NALCN: variants seen among roughly 807,000 people sequenced by gnomAD.
The protein encoded by NALCN is sodium leak channel, non-selective, also known as sodium leak channel NALCN.
Under a neutral mutation model 225.3 loss-of-function variants are expected in NALCN, and 111 were observed. The observed-to-expected ratio is 0.49, with a 90% CI of 0.42 to 0.58. The LOEUF is 0.58. NALCN is among the 20% of genes least tolerant of loss of function. The probability of loss-of-function intolerance (pLI) is 0.00; values close to 1 mark genes in which losing one functional copy is unlikely to be tolerated. For missense variants in NALCN, 1,378 were observed against 2,202.4 expected (o/e 0.63, Z 7.49); for synonymous variants, 764 against 769.0 (o/e 0.99, Z 0.11).
intron 15 of NALCN, among the ~76,000 whole-genome samples, chr13:101,151,532 G>A (rs754036316): frequency 6.6e-5 from 10 of 152,080 alleles, no homozygotes; most frequent in Non-Finnish European, 1.3e-4. Context: ...ATATTTTTTG[G>A]TTGTTCAATA....
At chr13:101,120,018 A>G (rs886260124) in intron 18 of NALCN, among the ~76,000 whole-genome samples, 1 of 152,230 alleles carries the variant, frequency 6.6e-6, no homozygotes, top group Admixed American at 6.5e-5. Flanking sequence ...GTACAAGAAC[A>G]TGAATTAAAG....
intron 6 of NALCN, among the ~76,000 whole-genome samples, chr13:101,359,289 G>A (rs2046155250): frequency 2.0e-5 from 3 of 152,134 alleles, no homozygotes; most frequent in South Asian, 4.1e-4. Flanking sequence ...TACCCAGAAA[G>A]TTCTGAAAAA....
chr13:101,108,528 C>A (rs536276612), intron 20 of NALCN, among the ~76,000 whole-genome samples: 5 of 152,168 alleles, frequency 3.3e-5, no homozygotes, highest in Non-Finnish European at 7.3e-5. Context: ...TTTAAATGAA[C>A]AGGTCAGGGT....
In NALCN at chr13:101,391,992, C is replaced by A. The variant is rs1392898346; in HGVS notation, c.291+3191G>T. ...AGAGTGAGACTCCATCTCGAAAAAA[C>A]AAAAACAAAAACAAAAAAAAAACAA... is the stretch of plus-strand genomic sequence containing the variant. On this transcript the variant is annotated intron_variant, in intron 3 of 43. Coordinates refer to ENST00000251127, the MANE Select transcript of NALCN (RefSeq NM_052867.4). Among the ~76,000 whole-genome samples, 40 of 139,966 alleles carry A rather than the reference C, an allele frequency of 2.9e-4. 1 individual carries two copies. Among genetic ancestry groups the A allele is most frequent in the South Asian group, 1.8e-3 (8 of 4,358 alleles). The allele number at this position is 139,966 out of a possible 152,430, so 91.8% of individuals were successfully genotyped here. A position where few individuals can be genotyped will look rare whatever the true frequency, so the allele number is the denominator to read the frequency against.
chr13:101,282,012 T>C (rs977167160), intron 10 of NALCN, among the ~76,000 whole-genome samples: 1 of 152,156 alleles, frequency 6.6e-6, no homozygotes, highest in South Asian at 2.1e-4. Flanking sequence ...AGATAACTAT[T>C]TGGCAAAGGC....
chr13:101,284,489 G>GGCTGAACA (rs900607972), intron 9 of NALCN, among the ~76,000 whole-genome samples: 1 of 152,084 alleles, frequency 6.6e-6, no homozygotes, highest in Non-Finnish European at 1.5e-5. Flanking sequence ...TTACCCTCAA[G>GGCTGAACA]GCTGAACAGG....
At chr13:101,394,519 C>T (rs1351766250) in intron 3 of NALCN, among the ~76,000 whole-genome samples, 8 of 152,180 alleles carry the variant, frequency 5.3e-5, no homozygotes, top group Admixed American at 5.2e-4. Flanking sequence ...CTAGGGACAG[C>T]ATCATCTACA....
intron 2 of NALCN, among the ~76,000 whole-genome samples, chr13:101,397,857 G>A (rs536891996): frequency 5.9e-5 from 9 of 152,248 alleles, no homozygotes; most frequent in African/African-American, 2.2e-4. Context: ...GTCTGTGGTG[G>A]AAATAAGCCT....
chr13:101,189,243 T>C (rs1342967712), intron 14 of NALCN, among the ~76,000 whole-genome samples: 8 of 152,080 alleles, frequency 5.3e-5, no homozygotes, highest in Non-Finnish European at 8.8e-5. Flanking sequence ...ATCAGAGTCA[T>C]TGCCTGGGAG....
intron 13 of NALCN, among the ~76,000 whole-genome samples, chr13:101,227,496 T>C (rs2041190894): frequency 6.6e-6 from 1 of 152,186 alleles, no homozygotes; most frequent in African/African-American, 2.4e-5. Flanking sequence ...ACACTGGCTA[T>C]ACACAGGGAA....
At chr13:101,144,122 C>A (rs989233279) in intron 16 of NALCN, among the ~76,000 whole-genome samples, 1 of 152,046 alleles carries the variant, frequency 6.6e-6, no homozygotes, top group Non-Finnish European at 1.5e-5. Flanking sequence ...TTTGTAATTT[C>A]TTGAGCTATA....
intron 7 of NALCN, among the ~76,000 whole-genome samples, chr13:101,323,721 G>GA (rs1275870876): frequency 6.6e-6 from 1 of 152,042 alleles, no homozygotes; most frequent in Non-Finnish European, 1.5e-5. Context: ...CCAGTAGGAA[G>GA]AAAAAAATAA....
chr13:101,070,071 T>TTTTTTG (rs2032748067), intron 37 of NALCN, among the ~76,000 whole-genome samples: 1 of 139,598 alleles, frequency 7.2e-6, no homozygotes, highest in South Asian at 2.5e-4. Context: ...ATGTTTTTTT[T>TTTTTTG]TTTTTTTTTT....
intron 14 of NALCN, among the ~76,000 whole-genome samples, chr13:101,188,643 T>TAC (rs149653525): frequency 3.4e-5 from 5 of 148,262 alleles, no homozygotes; most frequent in Non-Finnish European, 6.0e-5. Context: ...TACACATATA[T>TAC]ACACACACAC....
chr13:101,104,297 G>A lies in NALCN; in HGVS notation c.2887C>T (p.Leu963Phe). Residue 963 changes from leucine (L) to phenylalanine (F), a missense_variant and splice_region_variant, in exon 25 of 44, where the codon CTT becomes TTT. Around this residue, in one of 19 missense-constraint regions of NALCN, gnomAD observed 292 missense variants for 409.5 expected, o/e 0.71. Transcript: ENST00000251127. The surrounding 1 kb of genome is among the most constrained non-coding windows in gnomAD (Gnocchi z 4.2). ...TTAGGCAATAAGCAAAGACTTACAA[G>A]ATATATAAATATGTCCATTACTCCA... ...FGGVMDIFIY[L>F]VSLIFLCWMP... 1.3e-6 allele frequency: 2 copies of A among 1,592,720 alleles called. No homozygotes were observed. The highest frequency in any genetic ancestry group is 1.4e-5 in the African/African-American group (1 of 73,506).
rs1566650859 is a variant in NALCN at position 101,397,101 on chromosome 13, TATATATATAC to T, written c.109-1746_109-1737del. Among the ~76,000 whole-genome samples the T allele has an allele frequency of 8.4e-3, 581 of 69,574 alleles. 12 individuals are homozygous for T. The highest frequency in any genetic ancestry group is 0.031 in the East Asian group (42 of 1,366). The allele number at this position is 69,574 out of a possible 152,430, so 45.6% of individuals were successfully genotyped here. ...ATATATATATATATATATATATATA[TATATATATAC>T]ATACACATACATATATATAATGTGT... On this transcript the variant is annotated intron_variant, in intron 2 of 43. Coordinates refer to ENST00000251127, the MANE Select transcript of NALCN (RefSeq NM_052867.4).
rs765520109 is a variant in NALCN at position 101,176,287 on chromosome 13, A to C, written c.1839+13T>G. On this transcript the variant is annotated intron_variant, in intron 15 of 43. Coordinates refer to ENST00000251127, the MANE Select transcript of NALCN (RefSeq NM_052867.4). ...TTGTCCTTTTTAAAAAAAATCCCCC[A>C]CACACTACTTACTTGTTTAAGCTTC... 6.5e-6 allele frequency: 10 copies of C among 1,527,578 alleles called. No individual in the cohort carries two copies. Among genetic ancestry groups the C allele is most frequent in the Non-Finnish European group, 8.7e-6 (10 of 1,143,908 alleles). 94.6% of individuals were successfully genotyped at this position (1,527,578 alleles called of 1,614,324 possible).
At chr13:101,176,271 T>A in intron 15 of NALCN, 29 bp downstream of exon 15, 7 of 1,482,318 alleles carry the variant, frequency 4.7e-6, no homozygotes, top group Non-Finnish European at 6.3e-6. Flanking sequence ...TTTGTCCTTT[T>A]TAAAAAAAAT....
intron 11 of NALCN, among the ~76,000 whole-genome samples, chr13:101,245,076 C>T (rs2041854585): frequency 6.6e-6 from 1 of 152,148 alleles, no homozygotes; most frequent in Admixed American, 6.5e-5. Flanking sequence ...CAGCAGGCAG[C>T]CTGTGGAAAA....
Sources: allele counts gnomAD v4.1 joint callset (sites outside exome capture counted in the v4.1 genomes callset), GRCh38; gene constraint gnomAD v4.1.1; regional missense constraint gnomAD v4.1.1; non-coding constraint Gnocchi (gnomAD v3.1); transcripts MANE v1.5; gene names NCBI Gene and HGNC (gene_info 2026-07-23, HGNC 2026-07-21).